BANP: variants seen among roughly 807,000 people sequenced by gnomAD.
BANP encodes BTG3 associated nuclear protein.
BANP carries 11 observed loss-of-function variants against 68.1 expected under a neutral mutation model. That is an observed-to-expected ratio of 0.16 (90% CI 0.10 to 0.27). The LOEUF is 0.27. BANP is among the 10% of genes least tolerant of loss of function. The pLI is 1.00. For synonymous variants in BANP, 329 were observed against 303.2 expected (o/e 1.09, Z -0.88); for missense variants, 504 against 722.7 (o/e 0.70, Z 3.47).
chr16:88,023,684 C>T (rs1342132038), intron 7 of BANP, among the ~76,000 whole-genome samples: 4 of 152,328 alleles, frequency 2.6e-5, no homozygotes, highest in African/African-American at 9.6e-5. Flanking sequence ...CAGTGCCTCT[C>T]ATGGCCCCAC....
chr16:88,072,107 G>T lies in BANP; in HGVS notation c.1416G>T (p.Ser472=), dbSNP rs377306642. ...QGAQLIAVAS[S]DPAAAGVDGS... ...CACAGCTGATCGCCGTGGCCTCCTCGGACCCCGCGGCGGCGGGCGTGGATG... is the reference window on the plus strand; with the variant it reads ...CACAGCTGATCGCCGTGGCCTCCTCTGACCCCGCGGCGGCGGGCGTGGATG... The change falls in exon 13 of 14, where the codon TCG becomes TCT. Residue 472 remains serine, a synonymous_variant. Coordinates refer to ENST00000682872, the MANE Select transcript of BANP (RefSeq NM_001386991.1). 2.5e-6 allele frequency: 4 copies of T among 1,603,292 alleles called. No individual in the cohort carries two copies. Among genetic ancestry groups the T allele is most frequent in the Non-Finnish European group, 3.4e-6 (4 of 1,176,394 alleles).
chr16:88,033,146 C>G lies in BANP; in HGVS notation c.1101C>G (p.Leu367=), dbSNP rs1002976549. 1.1e-5 allele frequency: 18 copies of G among 1,609,612 alleles called. No homozygotes were observed. In the African/African-American group the frequency reaches 2.0e-4, roughly 18 times the overall value. The change falls in exon 9 of 14, where the codon CTC becomes CTG. Residue 367 remains leucine (L), a synonymous_variant. Transcript: ENST00000682872. ...GCACCCCACCTCCTGCCAGCGAGCT[C>G]CCGCAGCCACAGCCGCAGCCGCAGG... ...MMSTPPPASE[L]PQPQPQPQAL...
At chr16:87,970,771 C>A (rs1206707969) in intron 1 of BANP, among the ~76,000 whole-genome samples, 1 of 152,100 alleles carries the variant, frequency 6.6e-6, no homozygotes, top group Admixed American at 6.5e-5. Context: ...GTCATCCCAG[C>A]ACTTTGGGAG....
At chr16:88,046,121 C>T (rs148705627) in intron 11 of BANP, among the ~76,000 whole-genome samples, 30 of 152,228 alleles carry the variant, frequency 2.0e-4, no homozygotes, top group African/African-American at 5.3e-4. Context: ...GAAGCTTTAC[C>T]CTGTGCACAT....
chr16:88,038,661 C>A (rs1403715578), intron 11 of BANP, among the ~76,000 whole-genome samples: 10 of 152,168 alleles, frequency 6.6e-5, no homozygotes, highest in Admixed American at 2.6e-4. Flanking sequence ...CACCCCAGTA[C>A]GAATGGTCTC....
At chr16:87,981,225 C>CA in intron 3 of BANP, 98 bp downstream of exon 3, 5 of 912,812 alleles carry the variant, frequency 5.5e-6, no homozygotes, top group Non-Finnish European at 8.8e-6. Flanking sequence ...AAAATGTAGC[C>CA]TCTCAGCTGT....
intron 11 of BANP, among the ~76,000 whole-genome samples, chr16:88,045,202 C>T (rs1191760448): frequency 6.6e-6 from 1 of 152,156 alleles, no homozygotes; most frequent in Admixed American, 6.5e-5. Flanking sequence ...TTATCCGTGT[C>T]ACTTGGGCAT....
In BANP at chr16:88,027,687, G is replaced by A. The variant is rs564371549; in HGVS notation, c.1063+37G>A. On this transcript the variant is annotated intron_variant, in intron 8 of 13. Transcript: ENST00000682872. ...GCTGCAGGAGAGGCCGCCCTCCCCC[G>A]CTCGGGGCAGCTGGCCTGGTGGCAC... is the stretch of plus-strand genomic sequence containing the variant. The A allele has an allele frequency of 5.0e-6, 8 of 1,609,012 alleles. No homozygotes were observed. In the East Asian group the frequency reaches 6.7e-5, roughly 13 times the overall value.
At chr16:87,985,312 A>G (rs57647100) in intron 4 of BANP, among the ~76,000 whole-genome samples, 36,794 of 151,954 alleles carry the variant, frequency 0.24, 4,945 homozygotes, top group East Asian at 0.49. Context: ...TGGAGTTGGC[A>G]TCTCAGTTCG....
chr16:88,021,496 C>T (rs2076016826), intron 7 of BANP, among the ~76,000 whole-genome samples: 1 of 152,188 alleles, frequency 6.6e-6, no homozygotes, highest in Non-Finnish European at 1.5e-5. Flanking sequence ...GGGCCTGGAG[C>T]AACTGCTGCG....
At chr16:87,978,775 T>C (rs2062696120) in intron 2 of BANP, 5 of 405,864 alleles carry the variant, frequency 1.2e-5, no homozygotes, top group South Asian at 8.8e-5. Flanking sequence ...AGTCTCAGCC[T>C]TAACACGCTA....
At chr16:88,034,119 G>A (rs534527628) in intron 9 of BANP, among the ~76,000 whole-genome samples, 1 of 152,336 alleles carries the variant, frequency 6.6e-6, no homozygotes, top group Non-Finnish European at 1.5e-5. Flanking sequence ...TCAGCATGCT[G>A]TCTGGAAGAG....
At chr16:88,006,579 G>A (rs918399079) in intron 6 of BANP, among the ~76,000 whole-genome samples, 2 of 151,372 alleles carry the variant, frequency 1.3e-5, no homozygotes, top group African/African-American at 4.9e-5. Context: ...CTGGGAGGTG[G>A]AGGTTGCGGT....
intron 11 of BANP, among the ~76,000 whole-genome samples, chr16:88,038,282 A>G (rs890011142): frequency 7.2e-5 from 11 of 152,008 alleles, no homozygotes; most frequent in African/African-American, 2.7e-4. Context: ...CTGCCAAGGA[A>G]TGGGGGCTCT....
intron 13 of BANP, 67 bp downstream of exon 13, chr16:88,072,279 A>C (rs1249373807): frequency 2.0e-6 from 3 of 1,532,348 alleles, no homozygotes; most frequent in Non-Finnish European, 2.6e-6. Flanking sequence ...GCCACCGGGC[A>C]CACGTGGCCC....
chr16:88,054,785 C>G (rs2084559847), intron 11 of BANP, among the ~76,000 whole-genome samples: 1 of 152,188 alleles, frequency 6.6e-6, no homozygotes, highest in Non-Finnish European at 1.5e-5. Context: ...CTATGTAGGC[C>G]TTGAGTAGTA....
chr16:88,027,815 T>A (rs2077296016), intron 8 of BANP, among the ~76,000 whole-genome samples, 165 bp downstream of exon 8: 1 of 152,252 alleles, frequency 6.6e-6, no homozygotes, highest in African/African-American at 2.4e-5. Context: ...GCAGGACCTG[T>A]GCCTGGCCCC....
At chr16:88,005,990 T>C in intron 5 of BANP, 100 bp from the exon 6 acceptor site, 1 of 1,396,330 alleles carries the variant, frequency 7.2e-7, no homozygotes, top group East Asian at 2.3e-5. Flanking sequence ...GATCCACTGG[T>C]CCACACAGAG....
intron 1 of BANP, among the ~76,000 whole-genome samples, chr16:87,973,161 T>C (rs1272282684): frequency 6.6e-6 from 1 of 152,066 alleles, no homozygotes; most frequent in African/African-American, 2.4e-5. Context: ...AGATTAAACA[T>C]CTGTCTCATT....
Sources: allele counts gnomAD v4.1 joint callset (sites outside exome capture counted in the v4.1 genomes callset), GRCh38; gene constraint gnomAD v4.1.1; transcripts MANE v1.5; gene names NCBI Gene and HGNC (gene_info 2026-07-23, HGNC 2026-07-21).